The following FAR2 variants were observed in gnomAD, a reference collection of about 807,000 sequenced individuals.
FAR2 encodes epididymis secretory protein Li 81.
FAR2 carries 19 observed loss-of-function variants against 56.0 expected under a neutral mutation model. The observed-to-expected ratio is 0.34, with a 90% CI of 0.24 to 0.50. The LOEUF (loss-of-function observed/expected upper bound fraction) is 0.50, where lower values mean the gene tolerates loss of function less well. Among genes scored for constraint, FAR2 ranks in the 20% least tolerant of loss-of-function variants. FAR2 has a pLI of 0.98. For missense variants in FAR2, 508 were observed against 642.2 expected (o/e 0.79, Z 2.26); for synonymous variants, 219 against 218.8 (o/e 1.00, Z -0.01).
In FAR2 at chr12:29,176,915, G is replaced by T. The variant is rs539654494; in HGVS notation, c.-39+27508G>T. Among the ~76,000 whole-genome samples the T allele has an allele frequency of 1.5e-4, 23 of 152,254 alleles. No individual in the cohort carries two copies. The South Asian group carries it at 4.1e-3, about 27-fold the overall frequency. On this transcript the variant is annotated intron_variant, in intron 1 of 11. Transcript: ENST00000536681. Reference sequence around the variant, plus strand: ...AAGTGATGGCTTGGTTGTGGAGAAGGCAGAAATTATAGGTTAAATTAGTAT... The same window carrying T: ...AAGTGATGGCTTGGTTGTGGAGAAGTCAGAAATTATAGGTTAAATTAGTAT...
chr12:29,238,817 G>A (rs538494710), intron 1 of FAR2, among the ~76,000 whole-genome samples: 29 of 152,070 alleles, frequency 1.9e-4, no homozygotes, highest in Non-Finnish European at 3.8e-4. Context: ...AGCCAACTAA[G>A]GAAACTGTAT....
intron 1 of FAR2, among the ~76,000 whole-genome samples, chr12:29,163,237 G>A (rs1304949582): frequency 6.6e-6 from 1 of 152,186 alleles, no homozygotes; most frequent in Non-Finnish European, 1.5e-5. Context: ...CTGTGCCTTA[G>A]TTTTCTATTT....
intron 1 of FAR2, among the ~76,000 whole-genome samples, chr12:29,183,443 C>A (rs1325313097): frequency 2.0e-5 from 3 of 152,170 alleles, no homozygotes; most frequent in African/African-American, 7.2e-5. Flanking sequence ...TTGATCCTAG[C>A]CCAATTCGAA....
At chr12:29,204,667 G>A (rs1234617130) in intron 1 of FAR2, among the ~76,000 whole-genome samples, 6 of 152,100 alleles carry the variant, frequency 3.9e-5, no homozygotes, top group Non-Finnish European at 8.8e-5. Flanking sequence ...TCTGCAGGAT[G>A]TGCAGGAAGC....
Position 29,334,285 on chromosome 12 carries a change from C to T in FAR2, c.*491C>T, listed in dbSNP as rs942165475. On this transcript the variant is annotated 3_prime_UTR_variant, in exon 12 of 12. Coordinates refer to ENST00000536681, the MANE Select transcript of FAR2 (RefSeq NM_001271783.2). ...ATGCAGTAAGAGAAGTAATTCCCCA[C>T]TGAAAATGTCTCTCTTTCTTTCTAT... 1 of 152,186 alleles carries T rather than the reference C, an allele frequency of 6.6e-6. No individual in the cohort carries two copies. Among genetic ancestry groups the T allele is most frequent in the African/African-American group, 2.4e-5 (1 of 41,424 alleles). The allele number at this position is 152,186 out of a possible 1,614,324, so 9.4% of individuals were successfully genotyped here.
Position 29,333,924 on chromosome 12 carries a change from C to A in FAR2, c.*130C>A. On this transcript the variant is annotated 3_prime_UTR_variant, in exon 12 of 12. Transcript: ENST00000536681. Reference sequence around the variant, plus strand: ...CAAATGTCACCTGTTATGTATTCGTCCCTATTCCTTAACTATGTATTTTTA... The same window carrying A: ...CAAATGTCACCTGTTATGTATTCGTACCTATTCCTTAACTATGTATTTTTA... 1 of 781,642 alleles carries A rather than the reference C, an allele frequency of 1.3e-6. No individual in the cohort carries two copies. The highest frequency in any genetic ancestry group is 2.7e-5 in the East Asian group (1 of 37,476). The allele number at this position is 781,642 out of a possible 1,614,324, so 48.4% of individuals were successfully genotyped here.
chr12:29,308,370 A>G (rs1054513908), intron 5 of FAR2, among the ~76,000 whole-genome samples: 1 of 152,098 alleles, frequency 6.6e-6, no homozygotes, highest in African/African-American at 2.4e-5. Context: ...CTTACTGGTA[A>G]TGCAACATTT....
At chr12:29,218,236 G>A (rs1947645956) in intron 1 of FAR2, among the ~76,000 whole-genome samples, 1 of 152,036 alleles carries the variant, frequency 6.6e-6, no homozygotes, top group Non-Finnish European at 1.5e-5. Context: ...GCGGGCACCT[G>A]TAGTCCCAGC....
chr12:29,253,498 C>A (rs2136681048), intron 1 of FAR2, among the ~76,000 whole-genome samples: 1 of 151,784 alleles, frequency 6.6e-6, no homozygotes, highest in East Asian at 1.9e-4. Flanking sequence ...GGTCATTTCT[C>A]TGGAGAACTC....
At chr12:29,321,762 C>A in intron 9 of FAR2, 33 bp from the exon 10 acceptor site, 10 of 1,607,694 alleles carry the variant, frequency 6.2e-6, no homozygotes, top group Non-Finnish European at 8.5e-6. Flanking sequence ...AAGTGGTGCG[C>A]TGATATTTAC....
At chr12:29,299,254 AAG>A (rs1402442977) in intron 4 of FAR2, among the ~76,000 whole-genome samples, 1 of 151,874 alleles carries the variant, frequency 6.6e-6, no homozygotes, top group African/African-American at 2.4e-5. Context: ...AAGAAAAGAA[AAG>A]AAGTAAGAGT....
At chr12:29,297,293 C>A in intron 4 of FAR2, 93 bp downstream of exon 4, 2 of 1,270,296 alleles carry the variant, frequency 1.6e-6, no homozygotes, top group South Asian at 1.5e-5. Flanking sequence ...ATGATGAAGT[C>A]AAACACTTTT....
At chr12:29,293,501 C>T (rs1949007532) in intron 3 of FAR2, 26 bp downstream of exon 3, 3 of 1,480,790 alleles carry the variant, frequency 2.0e-6, no homozygotes, top group Admixed American at 4.8e-5. Context: ...CCTCTCATGG[C>T]TTGTATACAT....
chr12:29,310,648 T>C (rs1471774237), intron 6 of FAR2, among the ~76,000 whole-genome samples: 4 of 152,176 alleles, frequency 2.6e-5, no homozygotes, highest in Non-Finnish European at 5.9e-5. Context: ...GGTAAACAAA[T>C]ATTAATGGGA....
At chr12:29,323,063 G>A (rs995169835) in intron 10 of FAR2, among the ~76,000 whole-genome samples, 5 of 152,354 alleles carry the variant, frequency 3.3e-5, no homozygotes, top group Admixed American at 1.3e-4. Context: ...GTTCCTATTC[G>A]CTCTTCCAAC....
chr12:29,281,632 G>A (rs183274441), intron 2 of FAR2: 5 of 151,988 alleles, frequency 3.3e-5, no homozygotes, highest in East Asian at 1.9e-4. Flanking sequence ...AAAATAAATC[G>A]TTTGGTTCAT....
At chr12:29,224,244 TG>T (rs1947732083) in intron 1 of FAR2, among the ~76,000 whole-genome samples, 1 of 152,192 alleles carries the variant, frequency 6.6e-6, no homozygotes, top group Non-Finnish European at 1.5e-5. Flanking sequence ...CTGAACTTTT[TG>T]GGGTTGAGGG....
chr12:29,186,782 A>G (rs1189897148), intron 1 of FAR2, among the ~76,000 whole-genome samples: 3 of 143,458 alleles, frequency 2.1e-5, no homozygotes, highest in Admixed American at 7.0e-5. Context: ...TTATTTATTT[A>G]TTTATTTATT....
intron 1 of FAR2, among the ~76,000 whole-genome samples, chr12:29,155,804 G>A (rs1949721150): frequency 6.6e-6 from 1 of 152,056 alleles, no homozygotes; most frequent in Admixed American, 6.6e-5. Flanking sequence ...TTACCTTGTG[G>A]TCCTTTACAG....
Sources: gnomAD v4.1 joint callset for allele counts (sites outside exome capture counted in the v4.1 genomes callset) on GRCh38, gnomAD v4.1.1 for gene constraint, MANE v1.5 for transcripts, NCBI Gene and HGNC (gene_info 2026-07-23, HGNC 2026-07-21) for gene names.